The following BAHD1 variants were observed in gnomAD, a reference collection of about 807,000 sequenced individuals.
BAHD1 encodes bromo adjacent homology domain containing 1.
In BAHD1, 20 loss-of-function variants were observed where a neutral mutation model predicts 63.1. The observed-to-expected ratio is 0.32, with a 90% confidence interval of 0.22 to 0.46. The LOEUF (loss-of-function observed/expected upper bound fraction) is 0.46, where lower values mean the gene tolerates loss of function less well. Among genes scored for constraint, BAHD1 ranks in the 20% least tolerant of loss-of-function variants. The probability of loss-of-function intolerance (pLI) is 1.00; values close to 1 mark genes in which losing one functional copy is unlikely to be tolerated. For synonymous variants in BAHD1, 408 were observed against 426.8 expected (o/e 0.96, Z 0.54); for missense variants, 939 against 1,071.8 (o/e 0.88, Z 1.73).
At chr15:40,449,301 C>T (rs924819219) in intron 1 of BAHD1, among the ~76,000 whole-genome samples, 4 of 152,202 alleles carry the variant, frequency 2.6e-5, no homozygotes, top group African/African-American at 7.2e-5. Flanking sequence ...TGCAGTGAAT[C>T]AGAAATTTCC....
intron 5 of BAHD1, 57 bp downstream of exon 5, chr15:40,464,604 G>A: frequency 6.8e-7 from 1 of 1,474,292 alleles, no homozygotes; most frequent in African/African-American, 1.4e-5. Flanking sequence ...GAAAGGTTAT[G>A]GCACTAAGAC....
In BAHD1 at chr15:40,466,784, A is replaced by G. The variant is rs1417761711; in HGVS notation, c.*654A>G. 1.3e-5 allele frequency: 2 copies of G among 152,268 alleles called. No homozygotes were observed. The highest frequency in any genetic ancestry group is 4.8e-5 in the African/African-American group (2 of 41,418). 9.4% of individuals were successfully genotyped at this position (152,268 alleles called of 1,614,324 possible). A position where few individuals can be genotyped will look rare whatever the true frequency, so the allele number is the denominator to read the frequency against. On this transcript the variant is annotated 3_prime_UTR_variant, in exon 7 of 7. Transcript: ENST00000416165. Reference sequence around the variant, plus strand: ...CCTCTCACAGTCATGGGTGTGGCCCACTTGTGGGAGTCTCCTGTCCACCTC... The same window carrying G: ...CCTCTCACAGTCATGGGTGTGGCCCGCTTGTGGGAGTCTCCTGTCCACCTC...
chr15:40,460,143 C>T (rs1893995844), intron 2 of BAHD1, among the ~76,000 whole-genome samples: 2 of 152,148 alleles, frequency 1.3e-5, no homozygotes, highest in African/African-American at 4.8e-5. Flanking sequence ...CTTGGCCTGG[C>T]AGTTAGGTAG....
Position 40,458,632 on chromosome 15 carries a change from A to G in BAHD1, c.168A>G (p.Pro56=). The G allele has an allele frequency of 1.2e-6, 2 of 1,613,746 alleles. No individual in the cohort carries two copies. Among genetic ancestry groups the G allele is most frequent in the Admixed American group, 1.7e-5 (1 of 59,998 alleles). The change falls in exon 2 of 7, where the codon CCA becomes CCG. Residue 56 remains proline (P), a synonymous_variant. Coordinates refer to ENST00000416165, the MANE Select transcript of BAHD1 (RefSeq NM_014952.5). This position sits in a 1 kb window ranked among gnomAD's most constrained non-coding sequence, Gnocchi z 4.7. The part of the protein sequence containing the change: ...GHLTGRRKNY[P]LRKRPLVPEK... ...TCACAGGGCGCCGCAAGAATTACCC[A>G]CTTCGTAAGCGCCCATTGGTTCCTG...
In BAHD1 at chr15:40,458,813, C is replaced by A. The variant is rs763167655; in HGVS notation, c.349C>A (p.Arg117=). The part of the protein sequence containing the change: ...EDPGLAQPRK[R]RLASLNAEAL... ...CCCTGGCCTTGCCCAGCCCCGCAAGCGGCGCCTGGCCTCCCTCAATGCTGA... is the reference window on the plus strand; with the variant it reads ...CCCTGGCCTTGCCCAGCCCCGCAAGAGGCGCCTGGCCTCCCTCAATGCTGA... The change falls in exon 2 of 7, where the codon CGG becomes AGG. Residue 117 remains arginine (R), a synonymous_variant. Coordinates refer to ENST00000416165, the MANE Select transcript of BAHD1 (RefSeq NM_014952.5). The surrounding 1 kb of genome is among the most constrained non-coding windows in gnomAD (Gnocchi z 4.7). 1 of 1,612,840 alleles carries A rather than the reference C, an allele frequency of 6.2e-7. No individual in the cohort carries two copies. Among genetic ancestry groups the A allele is most frequent in the South Asian group, 1.1e-5 (1 of 91,052 alleles).
intron 4 of BAHD1, chr15:40,464,222 A>C (rs1595864435): frequency 1.4e-6 from 1 of 696,240 alleles, no homozygotes; most frequent in East Asian, 2.7e-5. Flanking sequence ...CAGCTCATTA[A>C]CCTTTCCAGC....
intron 1 of BAHD1, among the ~76,000 whole-genome samples, chr15:40,448,078 C>T (rs1436448201): frequency 1.3e-5 from 2 of 151,994 alleles, no homozygotes; most frequent in Non-Finnish European, 2.9e-5. Flanking sequence ...CCTGTCTCTA[C>T]TAAAAATACA....
chr15:40,444,811 T>A (rs1024256384), intron 1 of BAHD1, among the ~76,000 whole-genome samples: 2 of 152,100 alleles, frequency 1.3e-5, no homozygotes, highest in African/African-American at 4.8e-5. Flanking sequence ...AGAGGCCAGA[T>A]AGTGAAAAAA....
chr15:40,457,636 T>C (rs981464825), intron 1 of BAHD1, among the ~76,000 whole-genome samples: 1 of 152,234 alleles, frequency 6.6e-6, no homozygotes, highest in African/African-American at 2.4e-5. Flanking sequence ...GTCTGTCTTC[T>C]TGTCCTCCTG....
At chr15:40,445,102 T>C (rs1893499794) in intron 1 of BAHD1, among the ~76,000 whole-genome samples, 1 of 152,084 alleles carries the variant, frequency 6.6e-6, no homozygotes, top group African/African-American at 2.4e-5. Context: ...CTTCCTCTCT[T>C]TCTGGGGATT....
At chr15:40,461,868 G>T in intron 2 of BAHD1, 44 bp from the exon 3 acceptor site, 1 of 1,527,824 alleles carries the variant, frequency 6.5e-7, no homozygotes, top group Middle Eastern at 1.9e-4. Context: ...TGGGTGATGG[G>T]GGTCACTGCT....
chr15:40,457,868 C>T (rs1490174612), intron 1 of BAHD1, among the ~76,000 whole-genome samples: 2 of 152,078 alleles, frequency 1.3e-5, no homozygotes, highest in African/African-American at 4.8e-5. Context: ...GAAAATTTAG[C>T]GGGGCGTGGT....
chr15:40,443,565 C>A (rs1893459884), intron 1 of BAHD1, among the ~76,000 whole-genome samples: 1 of 152,172 alleles, frequency 6.6e-6, no homozygotes, highest in Admixed American at 6.5e-5. Flanking sequence ...GCAGGAGACT[C>A]ATGCCAGTCG....
intron 3 of BAHD1, 76 bp from the exon 4 acceptor site, chr15:40,463,785 G>A: frequency 6.6e-7 from 1 of 1,514,766 alleles, no homozygotes; most frequent in Non-Finnish European, 9.0e-7. Context: ...TCGTGGAAAG[G>A]ATGTCATTCC....
chr15:40,452,802 T>C (rs1379083462), intron 1 of BAHD1, among the ~76,000 whole-genome samples: 2 of 152,190 alleles, frequency 1.3e-5, no homozygotes, highest in Non-Finnish European at 2.9e-5. Flanking sequence ...GGCATCTGTC[T>C]GTCCCTTTCT....
intron 4 of BAHD1, 30 bp from the exon 5 acceptor site, chr15:40,464,441 C>G: frequency 6.3e-7 from 1 of 1,593,082 alleles, no homozygotes; most frequent in Non-Finnish European, 8.6e-7. Flanking sequence ...GTTGCCAGTT[C>G]AAGCCATAAC....
intron 3 of BAHD1, 44 bp from the exon 4 acceptor site, chr15:40,463,817 G>A (rs1894122542): frequency 3.1e-6 from 5 of 1,608,204 alleles, no homozygotes; most frequent in Non-Finnish European, 4.3e-6. Context: ...CTTACTCTGA[G>A]TGTGGCTCTG....
At chr15:40,461,704 G>A (rs1894046484) in intron 2 of BAHD1, among the ~76,000 whole-genome samples, 1 of 152,068 alleles carries the variant, frequency 6.6e-6, no homozygotes, top group Non-Finnish European at 1.5e-5. Flanking sequence ...ACTAAAAGGG[G>A]AGATGGCCAA....
At chr15:40,461,702 G>A (rs955811235) in intron 2 of BAHD1, among the ~76,000 whole-genome samples, 2 of 152,168 alleles carry the variant, frequency 1.3e-5, no homozygotes, top group Admixed American at 1.3e-4. Context: ...AGACTAAAAG[G>A]GGAGATGGCC....
Sources: gnomAD v4.1 joint callset for allele counts (sites outside exome capture counted in the v4.1 genomes callset) on GRCh38, gnomAD v4.1.1 for gene constraint, Gnocchi (gnomAD v3.1) non-coding constraint, MANE v1.5 for transcripts, NCBI Gene and HGNC (gene_info 2026-07-23, HGNC 2026-07-21) for gene names.